CFAP20DC: variants seen among roughly 807,000 people sequenced by gnomAD.
CFAP20DC encodes CFAP20 domain containing.
In CFAP20DC, 84 loss-of-function variants were observed where a neutral mutation model predicts 101.7. The observed-to-expected ratio is 0.83, with a 90% CI of 0.69 to 0.99. CFAP20DC has a LOEUF of 0.99. Among genes scored for constraint, CFAP20DC ranks in the 50% least tolerant of loss-of-function variants. The probability of loss-of-function intolerance (pLI) is 0.00; values close to 1 mark genes in which losing one functional copy is unlikely to be tolerated. For missense variants in CFAP20DC, 1,007 were observed against 970.3 expected (o/e 1.04, Z -0.50); for synonymous variants, 359 against 351.2 (o/e 1.02, Z -0.25).
intron 15 of CFAP20DC, among the ~76,000 whole-genome samples, chr3:58,784,837 A>T (rs940305470): frequency 6.6e-6 from 1 of 152,156 alleles, no homozygotes; most frequent in African/African-American, 2.4e-5. Context: ...GTAGTAATGT[A>T]AATTAGTACA....
At position 59,049,972 on chromosome 3, in the gene CFAP20DC, C is replaced by T. The variant is rs1411065874; in HGVS notation, c.-341G>A. The T allele has an allele frequency of 3.4e-6, 1 of 292,058 alleles. No individual in the cohort carries two copies. The highest frequency in any genetic ancestry group is 4.6e-5 in the Admixed American group (1 of 21,530). The allele number at this position is 292,058 out of a possible 1,614,324, so 18.1% of individuals were successfully genotyped here. ...CCAGTCGCGGAGCCACAGACAACCG[C>T]CCGCTGGCCTAGGAAAAGCGGGCGC... On this transcript the variant is annotated 5_prime_UTR_variant, in exon 1 of 17. Coordinates refer to ENST00000482387, the MANE Select transcript of CFAP20DC (RefSeq NM_001394063.1).
intron 15 of CFAP20DC, among the ~76,000 whole-genome samples, chr3:58,789,179 T>C (rs1456610303): frequency 6.6e-6 from 1 of 152,210 alleles, no homozygotes; most frequent in Non-Finnish European, 1.5e-5. Flanking sequence ...GTAGGTTAAA[T>C]GCTTTGTAAC....
At chr3:58,824,017 CA>C (rs746550505) in intron 14 of CFAP20DC, among the ~76,000 whole-genome samples, 47 of 152,176 alleles carry the variant, frequency 3.1e-4, no homozygotes, top group Admixed American at 7.9e-4. Context: ...ACAACTTGCA[CA>C]TTTCAATATT....
At chr3:58,763,764 C>G (rs1213340420) in intron 15 of CFAP20DC, among the ~76,000 whole-genome samples, 1 of 152,192 alleles carries the variant, frequency 6.6e-6, no homozygotes, top group South Asian at 2.1e-4. Flanking sequence ...ACAGTCAGGA[C>G]CCTCAGCTGC....
intron 4 of CFAP20DC, among the ~76,000 whole-genome samples, chr3:58,940,566 A>C (rs2088401060): frequency 1.3e-5 from 2 of 152,208 alleles, no homozygotes; most frequent in South Asian, 4.1e-4. Flanking sequence ...TACTTTGTTG[A>C]AAATCAGTTG....
chr3:58,978,169 T>C (rs2092361127), intron 4 of CFAP20DC, among the ~76,000 whole-genome samples: 1 of 152,022 alleles, frequency 6.6e-6, no homozygotes, highest in African/African-American at 2.4e-5. Flanking sequence ...ACCCTACCAT[T>C]TACCTTCCTT....
chr3:58,979,317 A>T (rs577803032), intron 4 of CFAP20DC, among the ~76,000 whole-genome samples: 22 of 152,212 alleles, frequency 1.4e-4, no homozygotes, highest in African/African-American at 5.1e-4. Context: ...CTAGGAATAA[A>T]AGTAGTCTCT....
chr3:58,811,867 G>T (rs556874159), intron 14 of CFAP20DC, among the ~76,000 whole-genome samples: 1 of 146,994 alleles, frequency 6.8e-6, no homozygotes, highest in Non-Finnish European at 1.5e-5. Context: ...AAGAAAAAAA[G>T]AAACGACCCC....
chr3:58,910,824 C>T (rs777463452), intron 6 of CFAP20DC, among the ~76,000 whole-genome samples: 6 of 151,654 alleles, frequency 4.0e-5, no homozygotes, highest in Non-Finnish European at 8.8e-5. Flanking sequence ...AAGAAAACAC[C>T]ACCTAGAGCC....
intron 13 of CFAP20DC, among the ~76,000 whole-genome samples, chr3:58,838,381 G>A (rs1192677365): frequency 6.6e-6 from 1 of 152,112 alleles, no homozygotes; most frequent in African/African-American, 2.4e-5. Flanking sequence ...TCTGTCATAA[G>A]CATTTTAGCA....
At chr3:59,037,233 T>C (rs2094120487) in intron 4 of CFAP20DC, among the ~76,000 whole-genome samples, 1 of 152,104 alleles carries the variant, frequency 6.6e-6, no homozygotes, top group Admixed American at 6.5e-5. Flanking sequence ...AAAGACTTCA[T>C]GACTAAAACA....
intron 4 of CFAP20DC, chr3:58,953,646 A>T (rs1211492716): frequency 6.6e-6 from 1 of 152,210 alleles, no homozygotes; most frequent in Non-Finnish European, 1.5e-5. Flanking sequence ...TAAAAAAATT[A>T]AAATTAGTCA....
intron 15 of CFAP20DC, among the ~76,000 whole-genome samples, chr3:58,769,341 GAGA>G (rs1232991602): frequency 2.0e-5 from 3 of 152,288 alleles, no homozygotes; most frequent in African/African-American, 4.8e-5. Context: ...GCAGGGCTGA[GAGA>G]AGATGTCCGG....
chr3:58,849,132 T>G lies in CFAP20DC; in HGVS notation c.1871A>C (p.Lys624Thr), dbSNP rs1390901666. Residue 624 changes from lysine to threonine, a missense_variant, in exon 13 of 17, where the codon AAA becomes ACA. By Grantham distance (78) the Lys-to-Thr change is moderately conservative. Coordinates refer to ENST00000482387, the MANE Select transcript of CFAP20DC (RefSeq NM_001394063.1). ...TTGCTGGGCTGATAGATCCTTCGCTTTGATTACGGGCTCTGGAGTTTTCTG... is the reference window on the plus strand; with the variant it reads ...TTGCTGGGCTGATAGATCCTTCGCTGTGATTACGGGCTCTGGAGTTTTCTG... Reference protein sequence around the residue: ...SCQKTPEPVIKAKDLSAQQVP... With the variant: ...SCQKTPEPVITAKDLSAQQVP... 4.6e-6 allele frequency: 7 copies of G among 1,536,114 alleles called. No homozygotes were observed. In the South Asian group the frequency reaches 7.1e-5, roughly 16 times the overall value.
rs145815434 is a variant in CFAP20DC at position 58,784,992 on chromosome 3, C to T, written c.2237+21403G>A. ...GATACCTGCACTTACCTGTTTATTG[C>T]GGCACTATTCACAATAGCAAAGATA... On this transcript the variant is annotated intron_variant, in intron 15 of 16. Coordinates refer to ENST00000482387, the MANE Select transcript of CFAP20DC (RefSeq NM_001394063.1). Among the ~76,000 whole-genome samples the T allele has an allele frequency of 1.7e-3, 260 of 152,116 alleles. 2 individuals carry two copies. Among genetic ancestry groups the T allele is most frequent in the African/African-American group, 5.9e-3 (243 of 41,510 alleles).
At chr3:58,757,211 A>G (rs973452183) in intron 15 of CFAP20DC, among the ~76,000 whole-genome samples, 2 of 152,090 alleles carry the variant, frequency 1.3e-5, no homozygotes, top group African/African-American at 4.8e-5. Context: ...TCCCGAGAGC[A>G]ACTTTAGAGG....
At chr3:58,735,998 T>C (rs2067745590) in intron 3 of CFAP20DC, among the ~76,000 whole-genome samples, 1 of 152,112 alleles carries the variant, frequency 6.6e-6, no homozygotes, top group South Asian at 2.1e-4. Context: ...CAAATATCTC[T>C]TGATAATGGT....
intron 4 of CFAP20DC, among the ~76,000 whole-genome samples, chr3:59,033,877 C>A (rs1345963096): frequency 6.6e-6 from 1 of 152,118 alleles, no homozygotes; most frequent in Non-Finnish European, 1.5e-5. Context: ...TTGAGAAGAG[C>A]AACCCCAAGA....
chr3:58,890,288 G>A (rs1306581635), intron 6 of CFAP20DC, among the ~76,000 whole-genome samples: 3 of 148,594 alleles, frequency 2.0e-5, no homozygotes, highest in African/African-American at 7.4e-5. Context: ...TCCCGGACGG[G>A]GCGGCTGTCC....
Sources: gnomAD v4.1 joint callset for allele counts (sites outside exome capture counted in the v4.1 genomes callset) on GRCh38, gnomAD v4.1.1 for gene constraint, MANE v1.5 for transcripts, NCBI Gene and HGNC (gene_info 2026-07-23, HGNC 2026-07-21) for gene names.